PCDHA4: variants seen among roughly 807,000 people sequenced by gnomAD.
The protein encoded by PCDHA4 is protocadherin alpha 4.
A neutral mutation model predicts 61.4 loss-of-function variants in PCDHA4; 49 were observed. The ratio of observed to expected loss-of-function variants is 0.80; its 90% CI spans 0.63 to 1.01. The LOEUF is 1.01. Among genes scored for constraint, PCDHA4 ranks in the 50% least tolerant of loss-of-function variants. The probability of loss-of-function intolerance (pLI) is 0.00; values close to 1 mark genes in which losing one functional copy is unlikely to be tolerated. For synonymous variants in PCDHA4, 590 were observed against 550.3 expected (o/e 1.07, Z -1.01); for missense variants, 1,254 against 1,235.8 (o/e 1.01, Z -0.22).
chr5:140,833,054 T>C (rs1193790961), intron 1 of PCDHA4, among the ~76,000 whole-genome samples: 1 of 152,118 alleles, frequency 6.6e-6, no homozygotes. Context: ...AGAAAAGTAA[T>C]ATGAGAAAAA....
intron 1 of PCDHA4, among the ~76,000 whole-genome samples, chr5:140,885,441 A>G (rs568228687): frequency 6.6e-6 from 1 of 152,232 alleles, no homozygotes; most frequent in African/African-American, 2.4e-5. Context: ...GTGTGCAATT[A>G]TATATTATTT....
intron 1 of PCDHA4, chr5:140,852,445 T>G (rs1294912184): frequency 5.4e-6 from 1 of 184,644 alleles, no homozygotes; most frequent in Admixed American, 6.7e-5. Flanking sequence ...GCCCAGCTAA[T>G]TTTTGTATTT....
chr5:140,857,988 T>C lies in PCDHA4; in HGVS notation c.2385+48416T>C, dbSNP rs370495338. 30 of 1,596,780 alleles carry C rather than the reference T, an allele frequency of 1.9e-5. 3 individuals carry two copies. In the African/African-American group the frequency reaches 2.3e-4, roughly 12 times the overall value. On this transcript the variant is annotated intron_variant, in intron 1 of 3. Coordinates refer to ENST00000530339, the MANE Select transcript of PCDHA4 (RefSeq NM_018907.4). Reference sequence around the variant, plus strand: ...ACTGACTCGCCACGCCAGCGCCTACTGGTGCTGGTGAAGGACCATGGCGAG... The same window carrying C: ...ACTGACTCGCCACGCCAGCGCCTACCGGTGCTGGTGAAGGACCATGGCGAG...
At chr5:140,845,354 C>A (rs2150378670) in intron 1 of PCDHA4, among the ~76,000 whole-genome samples, 4 of 149,532 alleles carry the variant, frequency 2.7e-5, no homozygotes, top group Non-Finnish European at 6.0e-5. Context: ...ATTTAATTGA[C>A]TTTTACAAAA....
chr5:140,981,260 T>C (rs975813904), intron 2 of PCDHA4, among the ~76,000 whole-genome samples: 11 of 152,324 alleles, frequency 7.2e-5, no homozygotes, highest in African/African-American at 2.4e-4. Flanking sequence ...ACTTTCAAGA[T>C]AAGCAAATGT....
intron 1 of PCDHA4, chr5:140,968,638 A>T: frequency 6.2e-7 from 1 of 1,614,184 alleles, no homozygotes; most frequent in Non-Finnish European, 8.5e-7. Context: ...TTTACCATCT[A>T]GCCCAGACTT....
At chr5:140,962,710 T>C (rs2095702479) in intron 1 of PCDHA4, among the ~76,000 whole-genome samples, 1 of 152,246 alleles carries the variant, frequency 6.6e-6, no homozygotes, top group South Asian at 2.1e-4. Context: ...ATAATCATAT[T>C]GGAAAGTATT....
At chr5:140,926,752 C>G in intron 1 of PCDHA4, 2 of 1,254,462 alleles carry the variant, frequency 1.6e-6, no homozygotes, top group East Asian at 5.7e-5. Flanking sequence ...CGTCGGCGGT[C>G]GCTGAGTATC....
chr5:140,987,858 T>C (rs1203158352), intron 3 of PCDHA4, among the ~76,000 whole-genome samples: 1 of 152,142 alleles, frequency 6.6e-6, no homozygotes, highest in African/African-American at 2.4e-5. Context: ...CCACATCTCT[T>C]TACTCTGTGG....
At position 141,009,622 on chromosome 5, in the gene PCDHA4, T is replaced by C. The variant is rs782517998; in HGVS notation, c.2534-5T>C. On this transcript the variant is annotated splice_region_variant and splice_polypyrimidine_tract_variant and intron_variant, in intron 3 of 3. Coordinates refer to ENST00000530339, the MANE Select transcript of PCDHA4 (RefSeq NM_018907.4). ...GTTAATGATTTGTAATGTTTTGTCT[T>C]TCAGAACCAGAGGCAGGAGAAGTGT... is the stretch of plus-strand genomic sequence containing the variant. 6.2e-7 allele frequency: 1 copy of C among 1,612,598 alleles called. No homozygotes were observed.
At chr5:140,876,168 C>A in intron 1 of PCDHA4, 5 of 1,613,918 alleles carry the variant, frequency 3.1e-6, no homozygotes, top group Non-Finnish European at 4.2e-6. Context: ...AAATAACCGT[C>A]CTGGATGTGA....
intron 3 of PCDHA4, among the ~76,000 whole-genome samples, chr5:140,985,373 C>G (rs1228293287): frequency 6.6e-6 from 1 of 152,106 alleles, no homozygotes. Flanking sequence ...TTATCTGGGT[C>G]TATATAATCC....
In PCDHA4 at chr5:140,848,334, A is replaced by G. The variant is rs2150408949; in HGVS notation, c.2385+38762A>G. ...TTGCCGCGATGTTCTCTCTGAATCC[A>G]GACAAATACAGCCCTTTTCCCATGG... On this transcript the variant is annotated intron_variant, in intron 1 of 3. Transcript: ENST00000530339. 43 of 850,658 alleles carry G rather than the reference A, an allele frequency of 5.1e-5. 3 individuals are homozygous for G. Among genetic ancestry groups the G allele is most frequent in the Non-Finnish European group, 7.6e-5 (41 of 539,362 alleles). 52.7% of individuals were successfully genotyped at this position (850,658 alleles called of 1,614,324 possible). A position where few individuals can be genotyped will look rare whatever the true frequency, so the allele number is the denominator to read the frequency against.
chr5:140,885,611 A>G (rs1422835119), intron 1 of PCDHA4, among the ~76,000 whole-genome samples: 5 of 152,216 alleles, frequency 3.3e-5, no homozygotes, highest in Non-Finnish European at 4.4e-5. Flanking sequence ...AATTTTAATT[A>G]TAAAATATGT....
chr5:140,829,457 G>C, intron 1 of PCDHA4: 4 of 1,613,878 alleles, frequency 2.5e-6, no homozygotes, highest in Non-Finnish European at 3.4e-6. Context: ...TCCGGCGTTC[G>C]CGCAGCCCGA....
At chr5:140,966,447 C>T (rs373859357) in intron 1 of PCDHA4, 40 of 425,326 alleles carry the variant, frequency 9.4e-5, no homozygotes, top group Middle Eastern at 5.8e-4. Context: ...CTCCCTTTCC[C>T]CCTCCCCCTC....
At chr5:140,888,265 A>G (rs2061758269) in intron 1 of PCDHA4, among the ~76,000 whole-genome samples, 1 of 152,096 alleles carries the variant, frequency 6.6e-6, no homozygotes, top group Non-Finnish European at 1.5e-5. Flanking sequence ...TCTTGATAAG[A>G]AACAGTTTTG....
Position 141,000,393 on chromosome 5 carries a change from CTCTATA to C in PCDHA4, c.2534-9232_2534-9227del, listed in dbSNP as rs1213195269. 6.1e-3 allele frequency among the ~76,000 whole-genome samples: 322 copies of C among 52,630 alleles called. 2 individuals are homozygous for C. Among genetic ancestry groups the C allele is most frequent in the Admixed American group, 0.01 (36 of 3,506 alleles). 34.5% of individuals were successfully genotyped at this position (52,630 alleles called of 152,430 possible). A position where few individuals can be genotyped will look rare whatever the true frequency, so the allele number is the denominator to read the frequency against. ...TCTCTCTCTCTCTCTCTCTCTCTCT[CTCTATA>C]TATATATATATATATATATATATTT... On this transcript the variant is annotated intron_variant, in intron 3 of 3. Transcript: ENST00000530339.
intron 1 of PCDHA4, 168 bp from the exon 2 acceptor site, chr5:140,978,781 A>G (rs4461687): frequency 4.1e-6 from 4 of 969,772 alleles, no homozygotes; most frequent in South Asian, 4.8e-5. Context: ...ATTTTCTTCT[A>G]AAGTGCTATA....
Sources: gnomAD v4.1 joint callset for allele counts (sites outside exome capture counted in the v4.1 genomes callset) on GRCh38, gnomAD v4.1.1 for gene constraint, MANE v1.5 for transcripts, NCBI Gene and HGNC (gene_info 2026-07-23, HGNC 2026-07-21) for gene names.